HRH1: variants seen among roughly 807,000 people sequenced by gnomAD.
HRH1 encodes the protein histamine receptor H1.
In HRH1, 6 loss-of-function variants were observed where a neutral mutation model predicts 10.3. The ratio of observed to expected loss-of-function variants is 0.58; its 90% confidence interval spans 0.32 to 1.15. The LOEUF is 1.15. Among genes scored for constraint, HRH1 ranks in the 50% most tolerant of loss-of-function variants. The pLI is 0.05. For missense variants in HRH1, 514 were observed against 615.3 expected (o/e 0.84, Z 1.74); for synonymous variants, 242 against 236.7 (o/e 1.02, Z -0.21).
At chr3:11,239,328 T>C (rs777811276) in intron 1 of HRH1, among the ~76,000 whole-genome samples, 1 of 152,270 alleles carries the variant, frequency 6.6e-6, no homozygotes, top group African/African-American at 2.4e-5. Flanking sequence ...GAAATGTCTA[T>C]ATAAATCCTT....
At chr3:11,239,075 A>G (rs1008872004) in intron 1 of HRH1, among the ~76,000 whole-genome samples, 1 of 152,224 alleles carries the variant, frequency 6.6e-6, no homozygotes, top group Admixed American at 6.5e-5. Flanking sequence ...TAACCATTTG[A>G]AGAACTATCA....
At chr3:11,229,826 C>CA (rs1174219458) in intron 1 of HRH1, among the ~76,000 whole-genome samples, 3 of 151,906 alleles carry the variant, frequency 2.0e-5, no homozygotes, top group Admixed American at 1.3e-4. Context: ...TAAACTTAGG[C>CA]AAAAAAGTGG....
intron 1 of HRH1, among the ~76,000 whole-genome samples, chr3:11,162,146 G>A (rs1936938874): frequency 6.6e-6 from 1 of 152,130 alleles, no homozygotes; most frequent in South Asian, 2.1e-4. Context: ...GCTCCCTGCA[G>A]GCACGCTGGC....
chr3:11,234,293 G>A (rs1559280672), intron 1 of HRH1: 17 of 1,568,072 alleles, frequency 1.1e-5, no homozygotes, highest in South Asian at 2.3e-5. Flanking sequence ...AGTGGCCTCA[G>A]TGGGAGCTGT....
At position 11,260,809 on chromosome 3, in the gene HRH1, G is replaced by A; in HGVS notation, c.*308G>A. On this transcript the variant is annotated 3_prime_UTR_variant, in exon 2 of 2. Transcript: ENST00000431010. ...AAGAGAGAGAGAATCAGACCTGGGT[G>A]GAACTCTCCTGCTCCTCAGGAACTA... The A allele has an allele frequency of 3.4e-6, 1 of 295,960 alleles. No homozygotes were observed. Among genetic ancestry groups the A allele is most frequent in the South Asian group, 8.4e-5 (1 of 11,940 alleles). 18.3% of individuals were successfully genotyped at this position (295,960 alleles called of 1,614,324 possible).
At chr3:11,234,418 T>C in intron 1 of HRH1, 2 of 1,605,074 alleles carry the variant, frequency 1.2e-6, no homozygotes, top group Non-Finnish European at 1.7e-6. Context: ...GGAACCGGTC[T>C]ACACAGTCTG....
rs375923402 is a variant in HRH1, at chr3:11,259,617, A to G, written c.580A>G (p.Thr194Ala). Reference protein sequence around the residue: ...FYDVTWFKVMTAIINFYLPTL... With the variant: ...FYDVTWFKVMAAIINFYLPTL... ...TGATGTCACCTGGTTCAAGGTCATG[A>G]CTGCCATCATCAACTTCTACCTGCC... Residue 194 changes from threonine (T) to alanine (A), a missense_variant, in exon 2 of 2, where the codon ACT becomes GCT. Transcript: ENST00000431010. This position sits in a 1 kb window ranked among gnomAD's most constrained non-coding sequence, Gnocchi z 4.6. 2 of 1,613,900 alleles carry G rather than the reference A, an allele frequency of 1.2e-6. No homozygotes were observed. The highest frequency in any genetic ancestry group is 2.7e-5 in the African/African-American group (2 of 74,838).
At position 11,261,678 on chromosome 3, in the gene HRH1, AAC is replaced by A. The variant is rs1001590536; in HGVS notation, c.*1181_*1182del. 1.2e-5 allele frequency: 2 copies of A among 161,614 alleles called. No homozygotes were observed. The highest frequency in any genetic ancestry group is 2.4e-5 in the African/African-American group (1 of 41,418). The allele number at this position is 161,614 out of a possible 1,614,324, so 10.0% of individuals were successfully genotyped here. A position where few individuals can be genotyped will look rare whatever the true frequency, so the allele number is the denominator to read the frequency against. ...ATGGAGAAACCTTGTCTCTACTAAA[AAC>A]ACAAAAATTATCTGGGCATGGTGGG... On this transcript the variant is annotated 3_prime_UTR_variant, in exon 2 of 2. Transcript: ENST00000431010.
chr3:11,194,021 G>T (rs1314195085), intron 1 of HRH1, among the ~76,000 whole-genome samples: 2 of 152,214 alleles, frequency 1.3e-5, no homozygotes, highest in African/African-American at 4.8e-5. Flanking sequence ...AAATAAAAAT[G>T]ATGTTGCTGG....
At chr3:11,176,168 C>CAA (rs3082255) in intron 1 of HRH1, among the ~76,000 whole-genome samples, 52 of 120,024 alleles carry the variant, frequency 4.3e-4, no homozygotes, top group African/African-American at 1.4e-3. Context: ...GAACCTGTCT[C>CAA]AAAAAAAAAA....
intron 1 of HRH1, among the ~76,000 whole-genome samples, chr3:11,195,963 C>A (rs1474424463): frequency 6.6e-6 from 1 of 152,204 alleles, no homozygotes; most frequent in African/African-American, 2.4e-5. Flanking sequence ...GTTTTATGCC[C>A]CCCAGGAAGA....
At chr3:11,158,407 A>C (rs1390511646) in intron 1 of HRH1, among the ~76,000 whole-genome samples, 1 of 152,242 alleles carries the variant, frequency 6.6e-6, no homozygotes, top group Non-Finnish European at 1.5e-5. Context: ...AAACAGGTTC[A>C]GAGGGGTTGG....
chr3:11,179,026 G>A (rs1486869908), intron 1 of HRH1, among the ~76,000 whole-genome samples: 2 of 152,192 alleles, frequency 1.3e-5, no homozygotes, highest in Non-Finnish European at 2.9e-5. Context: ...AGTGACTCAT[G>A]CCTGTAATCC....
chr3:11,172,704 CT>C lies in HRH1; in HGVS notation c.-36+18166del, dbSNP rs537415650. 3.0e-3 allele frequency among the ~76,000 whole-genome samples: 396 copies of C among 130,810 alleles called. 1 individual carries two copies. The highest frequency in any genetic ancestry group is 4.5e-3 in the Admixed American group (58 of 12,868). 85.8% of individuals were successfully genotyped at this position (130,810 alleles called of 152,430 possible). A position where few individuals can be genotyped will look rare whatever the true frequency, so the allele number is the denominator to read the frequency against. ...AATACTTTTGTGGCTTTTGGCGAAT[CT>C]TTTTTTTTTTTTTTTGAGATGGAGT... is the stretch of plus-strand genomic sequence containing the variant. On this transcript the variant is annotated intron_variant, in intron 1 of 1. Coordinates refer to ENST00000431010, the MANE Select transcript of HRH1 (RefSeq NM_001098212.2).
intron 1 of HRH1, among the ~76,000 whole-genome samples, chr3:11,149,049 C>T (rs1936536111): frequency 6.6e-6 from 1 of 152,224 alleles, no homozygotes; most frequent in Admixed American, 6.5e-5. Flanking sequence ...GCTTTGCATG[C>T]TCTGTGGTCA....
chr3:11,260,060 T>G lies in HRH1; in HGVS notation c.1023T>G (p.His341Gln). 1.2e-6 allele frequency: 2 copies of G among 1,613,920 alleles called. No homozygotes were observed. The highest frequency in any genetic ancestry group is 1.7e-6 in the Non-Finnish European group (2 of 1,179,972). The change falls in exon 2 of 2, where the codon CAT becomes CAG. Residue 341 changes from histidine (H) to glutamine (Q), a missense_variant. His to Gln is a conservative substitution (Grantham distance 24, BLOSUM62 0). Coordinates refer to ENST00000431010, the MANE Select transcript of HRH1 (RefSeq NM_001098212.2). ...CAGATGAGCAGGGCCTGAACACACATGGGGCCAGCGAGATATCAGAGGATC... is the reference window on the plus strand; with the variant it reads ...CAGATGAGCAGGGCCTGAACACACAGGGGGCCAGCGAGATATCAGAGGATC... ...LKTDEQGLNTHGASEISEDQM... is the reference protein window; with the variant it reads ...LKTDEQGLNTQGASEISEDQM...
intron 1 of HRH1, among the ~76,000 whole-genome samples, chr3:11,166,044 C>A (rs947685488): frequency 6.6e-6 from 1 of 152,116 alleles, no homozygotes; most frequent in Non-Finnish European, 1.5e-5. Flanking sequence ...TAAGCAGGAC[C>A]CATAGGCTCT....
At chr3:11,220,287 T>C (rs774458453) in intron 1 of HRH1, among the ~76,000 whole-genome samples, 34 of 152,210 alleles carry the variant, frequency 2.2e-4, no homozygotes, top group Non-Finnish European at 4.4e-4. Flanking sequence ...CAAGTGCCAC[T>C]GTCAGCTCCA....
intron 1 of HRH1, among the ~76,000 whole-genome samples, chr3:11,237,164 G>A (rs1939202857): frequency 6.6e-6 from 1 of 152,188 alleles, no homozygotes; most frequent in African/African-American, 2.4e-5. Flanking sequence ...ATGTTAGCAC[G>A]GATATCCATA....
Sources: gnomAD v4.1 joint callset for allele counts (sites outside exome capture counted in the v4.1 genomes callset) on GRCh38, gnomAD v4.1.1 for gene constraint, Gnocchi (gnomAD v3.1) non-coding constraint, MANE v1.5 for transcripts, NCBI Gene and HGNC (gene_info 2026-07-23, HGNC 2026-07-21) for gene names.